The following FAM13C variants were observed in gnomAD, a reference collection of about 807,000 sequenced individuals.
The protein encoded by FAM13C is family with sequence similarity 13 member C, also known as protein FAM13C.
In FAM13C, 37 loss-of-function variants were observed where a neutral mutation model predicts 73.2. That is an observed-to-expected ratio of 0.51 (90% CI 0.39 to 0.67). The LOEUF is 0.67. FAM13C is among the 30% of genes least tolerant of loss of function. FAM13C has a pLI of 0.00. For missense variants in FAM13C, 589 were observed against 715.6 expected, an observed-to-expected ratio of 0.82 and a Z score of 2.02; for synonymous variants, 246 against 260.9, an observed-to-expected ratio of 0.94 and a Z score of 0.55.
intron 5 of FAM13C, among the ~76,000 whole-genome samples, chr10:59,290,502 A>G (rs997236752): frequency 1.3e-5 from 2 of 152,090 alleles, no homozygotes; most frequent in Admixed American, 6.5e-5. Context: ...GCCCACCCAC[A>G]TACATACAAC....
rs369856182 is a variant in FAM13C, at chr10:59,300,093, T to C, written c.507+2708A>G. 2.6e-5 allele frequency among the ~76,000 whole-genome samples: 4 copies of C among 152,024 alleles called. No individual in the cohort carries two copies. The East Asian group carries it at 7.7e-4, about 29-fold the overall frequency. ...ATGAGAAACACACACAGAGACAACA[T>C]ACATGGATACGCTACACCATGTATC... On this transcript the variant is annotated intron_variant, in intron 5 of 13. Coordinates refer to ENST00000618804, the MANE Select transcript of FAM13C (RefSeq NM_198215.4).
chr10:59,299,045 T>C (rs962081744), intron 5 of FAM13C, among the ~76,000 whole-genome samples: 2 of 152,080 alleles, frequency 1.3e-5, no homozygotes, highest in African/African-American at 4.8e-5. Flanking sequence ...GTTCTGGTGG[T>C]TTATTGCACC....
intron 6 of FAM13C, among the ~76,000 whole-genome samples, chr10:59,275,896 T>C (rs1434261192): frequency 6.6e-6 from 1 of 152,228 alleles, no homozygotes; most frequent in Non-Finnish European, 1.5e-5. Context: ...TGATATTTCC[T>C]TCCTATAAAG....
intron 4 of FAM13C, among the ~76,000 whole-genome samples, chr10:59,316,761 G>A (rs1454657367): frequency 4.6e-5 from 7 of 152,166 alleles, no homozygotes; most frequent in African/African-American, 1.7e-4. Context: ...CATCATACAT[G>A]TCCGTTGTTA....
intron 3 of FAM13C, among the ~76,000 whole-genome samples, chr10:59,342,922 A>G (rs1397309129): frequency 6.6e-6 from 1 of 152,246 alleles, no homozygotes; most frequent in Non-Finnish European, 1.5e-5. Context: ...TTGGATAAAT[A>G]TCACAAAGAA....
chr10:59,269,744 G>T (rs1370317701), intron 7 of FAM13C, among the ~76,000 whole-genome samples, 155 bp downstream of exon 7: 1 of 148,196 alleles, frequency 6.7e-6, no homozygotes, highest in Non-Finnish European at 1.5e-5. Context: ...TCCCCAACTA[G>T]CAAGTACACT....
chr10:59,360,999 A>C, intron 1 of FAM13C: 1 of 1,288,100 alleles, frequency 7.8e-7, no homozygotes, highest in Non-Finnish European at 1.0e-6. Flanking sequence ...TAGTACTTTA[A>C]GCACAGCAAA....
chr10:59,298,405 C>G (rs1303909159), intron 5 of FAM13C, among the ~76,000 whole-genome samples: 1 of 152,188 alleles, frequency 6.6e-6, no homozygotes, highest in Non-Finnish European at 1.5e-5. Context: ...AGAATACCTT[C>G]AAAGTATCTA....
intron 3 of FAM13C, among the ~76,000 whole-genome samples, chr10:59,337,258 A>C (rs1852837488): frequency 6.6e-6 from 1 of 152,250 alleles, no homozygotes; most frequent in African/African-American, 2.4e-5. Context: ...CCCTGAGCAA[A>C]GCAGAGAGAG....
Position 59,262,354 on chromosome 10 carries a change from G to T in FAM13C, c.1236+80C>A. 8 of 1,295,270 alleles carry T rather than the reference G, an allele frequency of 6.2e-6. No individual in the cohort carries two copies. In the South Asian group the frequency reaches 1.0e-4, roughly 17 times the overall value. The allele number at this position is 1,295,270 out of a possible 1,614,324, so 80.2% of individuals were successfully genotyped here. A position where few individuals can be genotyped will look rare whatever the true frequency, so the allele number is the denominator to read the frequency against. ...ATAAAAATATTGATGTAATGGCAAA[G>T]TGCTCTGACAAATTGGATGATCTCA... is the stretch of plus-strand genomic sequence containing the variant. On this transcript the variant is annotated intron_variant, in intron 10 of 13. Coordinates refer to ENST00000618804, the MANE Select transcript of FAM13C (RefSeq NM_198215.4).
In FAM13C at chr10:59,362,417, C is replaced by G. The variant is rs137975417; in HGVS notation, c.44G>C (p.Ser15Thr). ...CACTTACTCTGTTACAGTGGTGCTG[C>G]TGAAGGAATTATCCTGAAGGCTGAA... is the stretch of plus-strand genomic sequence containing the variant. ...FCFSLQDNSF[S>T]STTVTECDED... The change falls in exon 1 of 14, where the codon AGC becomes ACC. Residue 15 changes from serine (S) to threonine (T), a missense_variant. Coordinates refer to ENST00000618804, the MANE Select transcript of FAM13C (RefSeq NM_198215.4). The G allele has an allele frequency of 2.0e-5, 33 of 1,613,896 alleles. No individual in the cohort carries two copies. The highest frequency in any genetic ancestry group is 2.5e-5 in the Non-Finnish European group (29 of 1,179,990).
intron 4 of FAM13C, among the ~76,000 whole-genome samples, chr10:59,315,860 T>C (rs1428536734): frequency 2.6e-5 from 4 of 152,226 alleles, no homozygotes; most frequent in Non-Finnish European, 5.9e-5. Context: ...GACTTTTATC[T>C]AGTTCTCTCA....
At chr10:59,269,166 G>A (rs1191991730) in intron 7 of FAM13C, among the ~76,000 whole-genome samples, 1 of 151,964 alleles carries the variant, frequency 6.6e-6, no homozygotes, top group Non-Finnish European at 1.5e-5. Flanking sequence ...TACATGCAAT[G>A]CCAATAATTC....
intron 5 of FAM13C, among the ~76,000 whole-genome samples, chr10:59,293,135 G>A (rs543959172): frequency 6.9e-6 from 1 of 144,998 alleles, no homozygotes; most frequent in Admixed American, 6.9e-5. Flanking sequence ...GTGCAGTGGT[G>A]CAATCTCAGC....
chr10:59,252,189 T>C (rs1841448816), intron 12 of FAM13C, among the ~76,000 whole-genome samples: 1 of 152,160 alleles, frequency 6.6e-6, no homozygotes, highest in Middle Eastern at 3.2e-3. Flanking sequence ...TCTACCAAGA[T>C]GAGAGAAAAG....
chr10:59,280,588 A>G (rs143071534), intron 6 of FAM13C, among the ~76,000 whole-genome samples: 70 of 152,368 alleles, frequency 4.6e-4, no homozygotes, highest in African/African-American at 1.7e-3. Flanking sequence ...TGAAACACAC[A>G]GATTCCAGGA....
intron 4 of FAM13C, among the ~76,000 whole-genome samples, 180 bp from the exon 5 acceptor site, chr10:59,303,044 C>T (rs529392151): frequency 6.6e-6 from 1 of 152,212 alleles, no homozygotes; most frequent in African/African-American, 2.4e-5. Context: ...AGCACTTGAA[C>T]CCTGACAGCC....
At chr10:59,311,157 T>C (rs1051425073) in intron 4 of FAM13C, among the ~76,000 whole-genome samples, 1 of 152,172 alleles carries the variant, frequency 6.6e-6, no homozygotes, top group Non-Finnish European at 1.5e-5. Context: ...ACTTCTCACT[T>C]TGGTGAGCTG....
chr10:59,291,889 C>T (rs1054335146), intron 5 of FAM13C, among the ~76,000 whole-genome samples: 9 of 150,636 alleles, frequency 6.0e-5, no homozygotes, highest in South Asian at 2.1e-4. Context: ...CCTGGGTTCA[C>T]GCCATTCTCC....
Sources: allele counts gnomAD v4.1 joint callset (sites outside exome capture counted in the v4.1 genomes callset), GRCh38; gene constraint gnomAD v4.1.1; transcripts MANE v1.5; gene names NCBI Gene and HGNC (gene_info 2026-07-23, HGNC 2026-07-21).